The following PTPRQ variants were observed in gnomAD, a reference collection of about 807,000 sequenced individuals.
The protein encoded by PTPRQ is protein tyrosine phosphatase receptor type Q, also known as phosphatidylinositol phosphatase PTPRQ.
PTPRQ carries 199 observed loss-of-function variants against 246.0 expected under a neutral mutation model. The observed-to-expected ratio is 0.81, with a 90% confidence interval of 0.72 to 0.91. The LOEUF is 0.91. Among genes scored for constraint, PTPRQ ranks in the 40% least tolerant of loss-of-function variants. The pLI is 0.00. For missense variants in PTPRQ, 2,624 were observed against 2,528.4 expected, an observed-to-expected ratio of 1.04 and a Z score of -0.81; for synonymous variants, 869 against 853.2, an observed-to-expected ratio of 1.02 and a Z score of -0.32.
At chr12:80,590,393 C>A (rs901054593) in intron 26 of PTPRQ, among the ~76,000 whole-genome samples, 2 of 152,056 alleles carry the variant, frequency 1.3e-5, no homozygotes, top group Non-Finnish European at 2.9e-5. Flanking sequence ...ATGGGCTGGG[C>A]GCAGTGGTTC....
At chr12:80,604,977 T>A in intron 26 of PTPRQ, 82 bp from the exon 27 acceptor site, 1 of 1,320,806 alleles carries the variant, frequency 7.6e-7, no homozygotes, top group South Asian at 2.1e-5. Context: ...TGACTATCCA[T>A]TTTTCATGGT....
At chr12:80,610,708 G>A (rs1400145410) in intron 28 of PTPRQ, 83 bp downstream of exon 28, 7 of 1,462,714 alleles carry the variant, frequency 4.8e-6, no homozygotes, top group South Asian at 2.9e-5. Flanking sequence ...CACCAAAAAA[G>A]GATATGTGTT....
At chr12:80,610,674 G>C in intron 28 of PTPRQ, 49 bp downstream of exon 28, 1 of 1,530,774 alleles carries the variant, frequency 6.5e-7, no homozygotes, top group Non-Finnish European at 8.8e-7. Flanking sequence ...GATTTAGCTG[G>C]CTTTCTTACA....
At chr12:80,564,846 C>T (rs1896931728) in intron 25 of PTPRQ, among the ~76,000 whole-genome samples, 1 of 152,092 alleles carries the variant, frequency 6.6e-6, no homozygotes, top group East Asian at 1.9e-4. Flanking sequence ...CAGGAGTTTT[C>T]TTCCATTATT....
intron 39 of PTPRQ, among the ~76,000 whole-genome samples, chr12:80,658,794 C>A (rs939261167): frequency 6.6e-6 from 1 of 151,914 alleles, no homozygotes; most frequent in Non-Finnish European, 1.5e-5. Context: ...GGTGAATCTA[C>A]AAATACATGA....
At chr12:80,457,200 C>T (rs1174673130) in intron 3 of PTPRQ, among the ~76,000 whole-genome samples, 2 of 151,814 alleles carry the variant, frequency 1.3e-5, no homozygotes, top group East Asian at 1.9e-4. Flanking sequence ...AATTAAGGTA[C>T]CATATACATG....
chr12:80,629,173 C>CAGAGAGAG (rs1271506154), intron 33 of PTPRQ, among the ~76,000 whole-genome samples: 1 of 150,700 alleles, frequency 6.6e-6, no homozygotes, highest in Admixed American at 6.6e-5. Flanking sequence ...CACACACACA[C>CAGAGAGAG]AGAGAGAGAG....
At chr12:80,466,008 C>A in intron 6 of PTPRQ, among the ~76,000 whole-genome samples, 1 of 152,030 alleles carries the variant, frequency 6.6e-6, no homozygotes, top group Non-Finnish European at 1.5e-5. Flanking sequence ...CTGGCCAGGG[C>A]AATTAGGCAG....
chr12:80,664,579 ATAT>A (rs1471940028), intron 39 of PTPRQ, among the ~76,000 whole-genome samples: 1 of 151,992 alleles, frequency 6.6e-6, no homozygotes, highest in Non-Finnish European at 1.5e-5. Flanking sequence ...AAATATCTTG[ATAT>A]TATAGGTTTC....
chr12:80,637,033 GT>G (rs1218047251), intron 35 of PTPRQ, among the ~76,000 whole-genome samples: 1 of 152,090 alleles, frequency 6.6e-6, no homozygotes, highest in East Asian at 1.9e-4. Flanking sequence ...GCTGTGGAGG[GT>G]GAATAACCTG....
intron 30 of PTPRQ, among the ~76,000 whole-genome samples, chr12:80,618,735 T>C (rs951108496): frequency 1.3e-5 from 2 of 151,472 alleles, no homozygotes; most frequent in Non-Finnish European, 1.5e-5. Context: ...ATATATAATA[T>C]AGTCATTAAG....
chr12:80,632,150 TC>T, intron 33 of PTPRQ, 41 bp from the exon 34 acceptor site: 1 of 1,525,604 alleles, frequency 6.6e-7, no homozygotes, highest in Non-Finnish European at 8.8e-7. Context: ...AAAATAAGAT[TC>T]CATAATAATA....
chr12:80,552,385 A>T (rs2120881271), intron 25 of PTPRQ, among the ~76,000 whole-genome samples: 1 of 152,028 alleles, frequency 6.6e-6, no homozygotes, highest in East Asian at 1.9e-4. Flanking sequence ...AGAACTGGCA[A>T]ATAAAATTAC....
chr12:80,580,937 T>C (rs572010516), intron 25 of PTPRQ, among the ~76,000 whole-genome samples: 1 of 152,300 alleles, frequency 6.6e-6, no homozygotes, highest in African/African-American at 2.4e-5. Context: ...GACCTTTTCT[T>C]CTCTGAAAGC....
chr12:80,610,761 C>A, intron 28 of PTPRQ, 136 bp downstream of exon 28: 1 of 1,026,242 alleles, frequency 9.7e-7, no homozygotes, highest in Non-Finnish European at 1.3e-6. Context: ...ATTAGTGACT[C>A]TCTGCAACTG....
chr12:80,591,636 T>A (rs375325738), intron 26 of PTPRQ, among the ~76,000 whole-genome samples: 2 of 152,194 alleles, frequency 1.3e-5, no homozygotes, highest in East Asian at 3.9e-4. Context: ...AGTCAGTAGG[T>A]ATGGTTATTT....
At chr12:80,501,064 C>T (rs185825833) in intron 14 of PTPRQ, among the ~76,000 whole-genome samples, 277 of 151,822 alleles carry the variant, frequency 1.8e-3, no homozygotes, top group African/African-American at 6.5e-3. Context: ...GGAAGAACAG[C>T]AATTGCCAAC....
intron 25 of PTPRQ, among the ~76,000 whole-genome samples, chr12:80,568,715 G>A (rs2120945841): frequency 6.6e-6 from 1 of 152,262 alleles, no homozygotes; most frequent in Non-Finnish European, 1.5e-5. Flanking sequence ...TCATTGCTGT[G>A]AGACAAGGAG....
chr12:80,550,823 G>A (rs902545778), intron 25 of PTPRQ, among the ~76,000 whole-genome samples: 8 of 152,030 alleles, frequency 5.3e-5, no homozygotes, highest in African/African-American at 1.7e-4. Flanking sequence ...TATGTTCATA[G>A]GAATACTCTC....
Sources: gnomAD v4.1 joint callset for allele counts (sites outside exome capture counted in the v4.1 genomes callset) on GRCh38, gnomAD v4.1.1 for gene constraint, MANE v1.5 for transcripts, NCBI Gene and HGNC (gene_info 2026-07-23, HGNC 2026-07-21) for gene names.